RGS6: variants seen among roughly 807,000 people sequenced by gnomAD.
RGS6 encodes regulator of G-protein signaling 6.
Under a neutral mutation model 78.5 loss-of-function variants are expected in RGS6, and 30 were observed. The ratio of observed to expected loss-of-function variants is 0.38; its 90% CI spans 0.29 to 0.52. RGS6 has a LOEUF of 0.52. Among genes scored for constraint, RGS6 ranks in the 20% least tolerant of loss-of-function variants. RGS6 has a pLI of 0.85. For missense variants in RGS6, 495 were observed against 609.7 expected, an observed-to-expected ratio of 0.81 and a Z score of 1.98; for synonymous variants, 206 against 206.0, an observed-to-expected ratio of 1.00 and a Z score of 0.00.
intron 2 of RGS6, among the ~76,000 whole-genome samples, chr14:72,103,302 A>T (rs1022089148): frequency 6.6e-6 from 1 of 152,184 alleles, no homozygotes; most frequent in African/African-American, 2.4e-5. Context: ...CATGCACTGT[A>T]TTTAAGTATC....
chr14:72,039,871 T>C (rs903917048), intron 2 of RGS6, among the ~76,000 whole-genome samples: 1 of 150,830 alleles, frequency 6.6e-6, no homozygotes, highest in Non-Finnish European at 1.5e-5. Flanking sequence ...TTCTTTTGTA[T>C]GTCTTCTATA....
intron 2 of RGS6, among the ~76,000 whole-genome samples, chr14:72,283,141 G>T (rs756931087): frequency 2.1e-4 from 32 of 152,182 alleles, no homozygotes; most frequent in Non-Finnish European, 3.7e-4. Context: ...TCCACTGTGT[G>T]TATAGACTAT....
intron 2 of RGS6, among the ~76,000 whole-genome samples, chr14:72,248,660 G>A (rs901938943): frequency 1.3e-5 from 2 of 152,172 alleles, no homozygotes; most frequent in Non-Finnish European, 2.9e-5. Flanking sequence ...GCAATGTGCT[G>A]CAACTGAATC....
At chr14:72,145,165 G>A (rs1429971349) in intron 2 of RGS6, among the ~76,000 whole-genome samples, 1 of 152,170 alleles carries the variant, frequency 6.6e-6, no homozygotes, top group African/African-American at 2.4e-5. Context: ...TTACAATAGT[G>A]ATGTTATCCC....
intron 2 of RGS6, among the ~76,000 whole-genome samples, chr14:72,100,868 T>C (rs546080469): frequency 2.6e-5 from 4 of 152,208 alleles, no homozygotes; most frequent in Non-Finnish European, 5.9e-5. Context: ...CATTTAAAAA[T>C]GTATGTTCGG....
At chr14:72,398,289 T>C (rs973198854) in intron 3 of RGS6, among the ~76,000 whole-genome samples, 2 of 152,326 alleles carry the variant, frequency 1.3e-5, no homozygotes, top group Middle Eastern at 3.4e-3. Flanking sequence ...GGAGAGTGTA[T>C]GTGTTGAGGA....
chr14:72,050,006 CAAGTT>C lies in RGS6; in HGVS notation c.84+85135_84+85139del, dbSNP rs370008857. 2.0e-4 allele frequency among the ~76,000 whole-genome samples: 31 copies of C among 152,056 alleles called. No homozygotes were observed. The East Asian group carries it at 3.3e-3, about 16-fold the overall frequency. ...CTAGATGATTTTGATGCAGTAAAGACAAGTTAAGAAAATTTGTCTTTACTGTCAAC... is the reference window on the plus strand; with the variant it reads ...CTAGATGATTTTGATGCAGTAAAGACAAGAAAATTTGTCTTTACTGTCAAC... On this transcript the variant is annotated intron_variant, in intron 2 of 17. Coordinates refer to ENST00000553525, the MANE Select transcript of RGS6 (RefSeq NM_001204424.2).
intron 3 of RGS6, among the ~76,000 whole-genome samples, chr14:72,425,706 A>G (rs774869509): frequency 6.6e-6 from 1 of 152,208 alleles, no homozygotes; most frequent in South Asian, 2.1e-4. Flanking sequence ...AAGGGAGGAT[A>G]ATTTGGTTCA....
At position 71,969,711 on chromosome 14, in the gene RGS6, AATG is replaced by A. The variant is rs766575338; in HGVS notation, c.84+4838_84+4840del. 3.9e-5 allele frequency among the ~76,000 whole-genome samples: 6 copies of A among 152,252 alleles called. 1 individual carries two copies. Among genetic ancestry groups the A allele is most frequent in the Non-Finnish European group, 8.8e-5 (6 of 68,048 alleles). ...CCATGTAAAGTAGAAAGAATTAAAAAATGAATTATATGCACTCACCATTAGCTT... is the reference window on the plus strand; with the variant it reads ...CCATGTAAAGTAGAAAGAATTAAAAAAATTATATGCACTCACCATTAGCTT... On this transcript the variant is annotated intron_variant, in intron 2 of 17. Transcript: ENST00000553525.
chr14:72,446,471 C>T (rs1202612858), intron 3 of RGS6, among the ~76,000 whole-genome samples: 10 of 152,070 alleles, frequency 6.6e-5, no homozygotes, highest in South Asian at 2.1e-4. Flanking sequence ...AAGGCCTTCC[C>T]GAGGGAGTTA....
chr14:72,033,931 G>A (rs2091300560), intron 2 of RGS6, among the ~76,000 whole-genome samples: 1 of 152,024 alleles, frequency 6.6e-6, no homozygotes, highest in African/African-American at 2.4e-5. Context: ...TTTTGTTTTT[G>A]TTTGGTTTTG....
chr14:72,375,292 C>A (rs569074816), intron 3 of RGS6, among the ~76,000 whole-genome samples: 98 of 152,234 alleles, frequency 6.4e-4, no homozygotes, highest in Admixed American at 1.5e-3. Context: ...AAAAAAATTC[C>A]AAGCAGGATA....
chr14:72,446,526 C>G (rs2095367329), intron 3 of RGS6, among the ~76,000 whole-genome samples: 1 of 152,188 alleles, frequency 6.6e-6, no homozygotes, highest in Non-Finnish European at 1.5e-5. Flanking sequence ...TGTTCCCCAG[C>G]CTTTTTGGCA....
intron 2 of RGS6, among the ~76,000 whole-genome samples, chr14:72,031,163 C>T (rs1472467403): frequency 6.6e-6 from 1 of 151,876 alleles, no homozygotes; most frequent in African/African-American, 2.4e-5. Flanking sequence ...TTCTGAAAAA[C>T]TTCTATTTTG....
intron 2 of RGS6, among the ~76,000 whole-genome samples, chr14:72,015,733 T>C (rs1469702161): frequency 6.6e-6 from 1 of 152,210 alleles, no homozygotes; most frequent in Admixed American, 6.5e-5. Context: ...ATCCTCTTAG[T>C]TATCAGATTT....
Position 72,562,776 on chromosome 14 carries a change from G to A in RGS6, c.*309G>A, listed in dbSNP as rs539223637. ...TCCCAGCTCATTCAGGGGAGAACAC[G>A]TCGTGGGGTTCCTGTCACGACTATC... On this transcript the variant is annotated 3_prime_UTR_variant, in exon 18 of 18. Coordinates refer to ENST00000553525, the MANE Select transcript of RGS6 (RefSeq NM_001204424.2). The A allele has an allele frequency of 5.0e-4, 755 of 1,520,014 alleles. No individual in the cohort carries two copies. The highest frequency in any genetic ancestry group is 6.2e-4 in the Non-Finnish European group (701 of 1,132,358). The allele number at this position is 1,520,014 out of a possible 1,614,324, so 94.2% of individuals were successfully genotyped here.
At chr14:72,331,838 T>C (rs979431767) in intron 2 of RGS6, among the ~76,000 whole-genome samples, 1 of 152,228 alleles carries the variant, frequency 6.6e-6, no homozygotes, top group Non-Finnish European at 1.5e-5. Context: ...CCGTGGACTA[T>C]CCAGATGCAT....
At chr14:72,261,544 C>G (rs1207925526) in intron 2 of RGS6, among the ~76,000 whole-genome samples, 3 of 152,076 alleles carry the variant, frequency 2.0e-5, no homozygotes, top group Non-Finnish European at 2.9e-5. Flanking sequence ...AGCTGTCCAG[C>G]TGCAGGGAAT....
chr14:72,069,427 C>T (rs2094318334), intron 2 of RGS6, among the ~76,000 whole-genome samples: 1 of 152,188 alleles, frequency 6.6e-6, no homozygotes, highest in Non-Finnish European at 1.5e-5. Flanking sequence ...TCTTTTCTTC[C>T]TCCTAAACAA....
Sources: gnomAD v4.1 joint callset for allele counts (sites outside exome capture counted in the v4.1 genomes callset) on GRCh38, gnomAD v4.1.1 for gene constraint, MANE v1.5 for transcripts, NCBI Gene and HGNC (gene_info 2026-07-23, HGNC 2026-07-21) for gene names.